The following GJC1 variants were observed in gnomAD, a reference collection of about 807,000 sequenced individuals.
GJC1 encodes gap junction gamma-1 protein.
Under a neutral mutation model 29.3 loss-of-function variants are expected in GJC1, and 5 were observed. The ratio of observed to expected loss-of-function variants is 0.17; its 90% CI spans 0.09 to 0.36. The LOEUF is 0.36. Ranked by LOEUF, GJC1 falls within the 10% of genes least tolerant of loss-of-function variation. The pLI, the probability that GJC1 is intolerant of heterozygous loss-of-function variation, is 1.00. For missense variants in GJC1, 310 were observed against 496.2 expected (o/e 0.62, Z 3.56); for synonymous variants, 177 against 183.3 (o/e 0.97, Z 0.28).
In GJC1 at chr17:44,805,807, C is replaced by A; in HGVS notation, c.11G>T (p.Ser4Ile). Reference sequence around the variant, plus strand: ...CTCCTCTAGCAGGCGAGTCAGGAAGCTCCAACTCATGGTGATTGAATTGGT... The same window carrying A: ...CTCCTCTAGCAGGCGAGTCAGGAAGATCCAACTCATGGTGATTGAATTGGT... MSW[S>I]FLTRLLEEIH... is the part of the protein sequence containing the mutation. Residue 4 changes from serine to isoleucine, a missense_variant, in exon 3 of 3, where the codon AGC (serine) becomes ATC (isoleucine). Around this residue, in one of 4 missense-constraint regions of GJC1, gnomAD observed 37 missense variants for 104.2 expected, o/e 0.35. Coordinates refer to ENST00000592524, the MANE Select transcript of GJC1 (RefSeq NM_005497.4). This position sits in a 1 kb window ranked among gnomAD's most constrained non-coding sequence, Gnocchi z 5.1. 1 of 1,604,122 alleles carries A rather than the reference C, an allele frequency of 6.2e-7. No homozygotes were observed. Among genetic ancestry groups the A allele is most frequent in the Non-Finnish European group, 8.5e-7 (1 of 1,172,738 alleles).
In GJC1 at chr17:44,830,071, G is replaced by T. The variant is rs1289365943; in HGVS notation, c.-106C>A. 1 of 152,336 alleles carries T rather than the reference G, an allele frequency of 6.6e-6. No homozygotes were observed. Among genetic ancestry groups the T allele is most frequent in the East Asian group, 1.9e-4 (1 of 5,174 alleles). 9.4% of individuals were successfully genotyped at this position (152,336 alleles called of 1,614,324 possible). A position where few individuals can be genotyped will look rare whatever the true frequency, so the allele number is the denominator to read the frequency against. ...TGCGGCCGCCCCTCACCCGGCGGCG[G>T]GTTCCCCCGGAGCCGCCTCCTCCGC... On this transcript the variant is annotated 5_prime_UTR_variant, in exon 1 of 3. Transcript: ENST00000592524. This position sits in a 1 kb window ranked among gnomAD's most constrained non-coding sequence, Gnocchi z 4.3.
upstream of GJC1, chr17:44,830,833 C>T (rs1394408974): frequency 2.5e-6 from 1 of 397,030 alleles, no homozygotes; most frequent in Non-Finnish European, 4.4e-6. The surrounding 1 kb of genome is among the most constrained non-coding windows in gnomAD (Gnocchi z 4.3). Context: ...TTTTCAGGTC[C>T]TGAACTTCTC....
chr17:44,812,773 G>A (rs2005731), intron 1 of GJC1, among the ~76,000 whole-genome samples: 21,179 of 151,456 alleles, frequency 0.14, 1,611 homozygotes, highest in African/African-American at 0.19. Context: ...TCAGCCTCCC[G>A]AATAGCTGGG....
intron 1 of GJC1, among the ~76,000 whole-genome samples, chr17:44,817,482 G>C (rs992208581): frequency 1.3e-5 from 2 of 151,700 alleles, no homozygotes; most frequent in Non-Finnish European, 2.9e-5. Flanking sequence ...AGGCTGAGGC[G>C]GGCGGATCAC....
intron 1 of GJC1, among the ~76,000 whole-genome samples, chr17:44,825,992 C>T (rs996029346): frequency 3.9e-5 from 6 of 152,078 alleles, no homozygotes; most frequent in Non-Finnish European, 7.4e-5. Flanking sequence ...GCGATCTCGG[C>T]TAACTGCAAC....
rs564284346 is a variant in GJC1 at position 44,824,157 on chromosome 17, G to A, written c.-97+5905C>T. On this transcript the variant is annotated intron_variant, in intron 1 of 2. Transcript: ENST00000592524. ...AGAGTAGTTGGGATTACAGGCGCGC[G>A]CCACCATGCCCGGCTAATTTTTTGT... Among the ~76,000 whole-genome samples, 8 of 151,720 alleles carry A rather than the reference G, an allele frequency of 5.3e-5. No individual in the cohort carries two copies. The East Asian group carries it at 7.8e-4, about 15-fold the overall frequency.
intron 1 of GJC1, among the ~76,000 whole-genome samples, chr17:44,809,684 C>G (rs2145316157): frequency 6.6e-6 from 1 of 152,076 alleles, no homozygotes; most frequent in East Asian, 1.9e-4. Context: ...AATTCTCCTG[C>G]CTCAGCCTCC....
chr17:44,797,070 C>T (rs1408025592), downstream of GJC1, among the ~76,000 whole-genome samples: 1 of 151,978 alleles, frequency 6.6e-6, no homozygotes, highest in Non-Finnish European at 1.5e-5. Flanking sequence ...GACTAGGAAT[C>T]TATATATCGC....
chr17:44,817,560 A>AT (rs1249106298), intron 1 of GJC1, among the ~76,000 whole-genome samples: 1 of 151,878 alleles, frequency 6.6e-6, no homozygotes, highest in Non-Finnish European at 1.5e-5. Flanking sequence ...AAAATACAAT[A>AT]TTAGCCAGGC....
upstream of GJC1, among the ~76,000 whole-genome samples, chr17:44,831,145 T>A (rs890115858): frequency 9.2e-5 from 14 of 152,290 alleles, no homozygotes; most frequent in Admixed American, 9.2e-4. Flanking sequence ...ACAAGTGAGG[T>A]TACTTGCTGC....
chr17:44,809,058 C>T (rs752550916), intron 1 of GJC1, among the ~76,000 whole-genome samples: 7 of 152,024 alleles, frequency 4.6e-5, no homozygotes, highest in Non-Finnish European at 8.8e-5. Context: ...CTAGCCTGGG[C>T]AACAAGAGCA....
intron 1 of GJC1, among the ~76,000 whole-genome samples, chr17:44,815,182 A>T (rs143779675): frequency 6.6e-6 from 1 of 151,854 alleles, no homozygotes; most frequent in Non-Finnish European, 1.5e-5. Flanking sequence ...TAAAGCACCA[A>T]TTTTTTATTA....
rs771691221 is a variant in GJC1, at chr17:44,804,725, G to A, written c.1093C>T (p.Pro365Ser). 5.6e-6 allele frequency: 9 copies of A among 1,614,170 alleles called. No individual in the cohort carries two copies. Among genetic ancestry groups the A allele is most frequent in the Non-Finnish European group, 7.6e-6 (9 of 1,180,034 alleles). ...AYSHQNNPHG[P>S]REKKAKVGSK... is the part of the protein sequence containing the mutation. Reference sequence around the variant, plus strand: ...CCCACTTTGGCCTTCTTCTCCCGGGGACCATGAGGGTTGTTTTGGTGACTG... The same window carrying A: ...CCCACTTTGGCCTTCTTCTCCCGGGAACCATGAGGGTTGTTTTGGTGACTG... The change falls in exon 3 of 3, where the codon CCC becomes TCC. Residue 365 changes from proline to serine, a missense_variant. Physicochemically the swap from Pro to Ser is moderately conservative, Grantham distance 74. Transcript: ENST00000592524.
chr17:44,822,436 G>C (rs993075967), intron 1 of GJC1, among the ~76,000 whole-genome samples: 1 of 151,536 alleles, frequency 6.6e-6, no homozygotes, highest in Non-Finnish European at 1.5e-5. Context: ...GAGGTCAGGA[G>C]TTCGAGACCA....
rs1447858772 is a variant in GJC1, at chr17:44,804,915, G to A, written c.903C>T (p.Tyr301=). 1.1e-5 allele frequency: 17 copies of A among 1,614,176 alleles called. No individual in the cohort carries two copies. The highest frequency in any genetic ancestry group is 1.4e-5 in the Non-Finnish European group (17 of 1,180,038). The change falls in exon 3 of 3, where the codon TAC becomes TAT. Residue 301 remains tyrosine (Y), a synonymous_variant. Coordinates refer to ENST00000592524, the MANE Select transcript of GJC1 (RefSeq NM_005497.4). Reference sequence around the variant, plus strand: ...CGATCTTAGCATTGGACAGTTCGGTGTACTGGATTTGATCTGGTTTGACAG... The same window carrying A: ...CGATCTTAGCATTGGACAGTTCGGTATACTGGATTTGATCTGGTTTGACAG... The part of the protein sequence containing the change: ...NIAVKPDQIQ[Y]TELSNAKIAY...
At chr17:44,829,897 C>T (rs987035175) in intron 1 of GJC1, among the ~76,000 whole-genome samples, 165 bp downstream of exon 1, 8 of 151,984 alleles carry the variant, frequency 5.3e-5, no homozygotes, top group Admixed American at 3.3e-4. Context: ...GGCGGGAACC[C>T]CTCGGCGGCG....
chr17:44,814,631 C>A (rs1361052831), intron 1 of GJC1, among the ~76,000 whole-genome samples: 1 of 152,002 alleles, frequency 6.6e-6, no homozygotes, highest in Non-Finnish European at 1.5e-5. Flanking sequence ...ACATAAGGGA[C>A]CTGAAAAGGT....
At position 44,805,073 on chromosome 17, in the gene GJC1, C is replaced by T; in HGVS notation, c.745G>A (p.Glu249Lys). 1 of 1,614,078 alleles carries T rather than the reference C, an allele frequency of 6.2e-7. No individual in the cohort carries two copies. Among genetic ancestry groups the T allele is most frequent in the Non-Finnish European group, 8.5e-7 (1 of 1,180,032 alleles). The stretch of plus-strand genomic sequence containing the variant: ...GTCCCAAACCCTAAATGAAGCATCT[C>T]CCAAATGTTAAGCAAGAGGCAAAGG... ...TGLCLLLNIW[E>K]MLHLGFGTIR... The change falls in exon 3 of 3, where the codon GAG becomes AAG. Residue 249 changes from glutamate to lysine, a missense_variant. Physicochemically the swap from Glu to Lys is moderately conservative, Grantham distance 56. This residue lies in a region of GJC1 where 45 missense variants were observed against 126.2 expected (regional missense o/e 0.36). Transcript: ENST00000592524. This position sits in a 1 kb window ranked among gnomAD's most constrained non-coding sequence, Gnocchi z 5.1.
chr17:44,823,033 A>G (rs1272897857), intron 1 of GJC1, among the ~76,000 whole-genome samples: 1 of 152,168 alleles, frequency 6.6e-6, no homozygotes, highest in Non-Finnish European at 1.5e-5. Context: ...GAACGTTCCC[A>G]AAAGGAATGT....
Sources: gnomAD v4.1 joint callset for allele counts (sites outside exome capture counted in the v4.1 genomes callset) on GRCh38, gnomAD v4.1.1 for gene constraint, gnomAD v4.1.1 regional missense constraint, Gnocchi (gnomAD v3.1) non-coding constraint, MANE v1.5 for transcripts, NCBI Gene and HGNC (gene_info 2026-07-23, HGNC 2026-07-21) for gene names.